Variants in ZNF385D observed in about 807,000 individuals in gnomAD.
ZNF385D encodes zinc finger protein 385D.
Under a neutral mutation model 35.8 loss-of-function variants are expected in ZNF385D, and 15 were observed. That is an observed-to-expected ratio of 0.42 (90% CI 0.28 to 0.64). The LOEUF (loss-of-function observed/expected upper bound fraction) is 0.64. Among genes scored for constraint, ZNF385D ranks in the 30% least tolerant of loss-of-function variants. The pLI is 0.23. For missense variants in ZNF385D, 474 were observed against 494.6 expected (o/e 0.96, Z 0.39); for synonymous variants, 212 against 186.8 (o/e 1.13, Z -1.10).
rs190216625 is a variant in ZNF385D at position 21,750,819 on chromosome 3, G to T, written c.22+76C>A. 7.5e-5 allele frequency: 119 copies of T among 1,592,880 alleles called. No homozygotes were observed. In the East Asian group the frequency reaches 1.5e-3, roughly 20 times the overall value. On this transcript the variant is annotated intron_variant, in intron 1 of 7. Transcript: ENST00000281523. ...ATGTAACATATTCTTGCTGCTTAAA[G>T]AATTTTTTAAGGGCTTGTCTGCACG...
At chr3:21,994,809 C>T (rs1283756130) in intron 3 of ZNF385D, among the ~76,000 whole-genome samples, 4 of 152,168 alleles carry the variant, frequency 2.6e-5, no homozygotes, top group African/African-American at 9.7e-5. Context: ...CTGTAATATG[C>T]ATCAATAGTG....
At chr3:21,966,470 C>T (rs1702918141) in intron 3 of ZNF385D, among the ~76,000 whole-genome samples, 1 of 152,232 alleles carries the variant, frequency 6.6e-6, no homozygotes, top group South Asian at 2.1e-4. Flanking sequence ...GGATTCATCA[C>T]ATCCAGCAGA....
At chr3:21,900,389 C>T (rs1699339120) in intron 3 of ZNF385D, among the ~76,000 whole-genome samples, 1 of 152,078 alleles carries the variant, frequency 6.6e-6, no homozygotes, top group South Asian at 2.1e-4. Context: ...CCAGCTTCAA[C>T]ACATGAGAAA....
chr3:21,624,868 A>G (rs2065093733), intron 2 of ZNF385D, among the ~76,000 whole-genome samples: 3 of 152,190 alleles, frequency 2.0e-5, no homozygotes, highest in South Asian at 4.1e-4. Context: ...ATTAAAGAAC[A>G]GAGGTAAAAG....
intron 1 of ZNF385D, among the ~76,000 whole-genome samples, chr3:21,691,288 T>C (rs1345854419): frequency 6.6e-6 from 1 of 152,184 alleles, no homozygotes; most frequent in Non-Finnish European, 1.5e-5. Context: ...ATTTATCATA[T>C]CCAACCTTAG....
chr3:21,965,613 G>A (rs1176555162), intron 3 of ZNF385D, among the ~76,000 whole-genome samples: 1 of 152,118 alleles, frequency 6.6e-6, no homozygotes, highest in African/African-American at 2.4e-5. Flanking sequence ...TATGAGTCTA[G>A]ATTGGATTCT....
chr3:22,251,008 A>C (rs1700033113), intron 2 of ZNF385D, among the ~76,000 whole-genome samples: 1 of 152,018 alleles, frequency 6.6e-6, no homozygotes, highest in Non-Finnish European at 1.5e-5. Flanking sequence ...AATCAGGACA[A>C]CACCAATCAA....
At chr3:22,003,907 C>T (rs1373194266) in intron 3 of ZNF385D, among the ~76,000 whole-genome samples, 1 of 151,162 alleles carries the variant, frequency 6.6e-6, no homozygotes, top group East Asian at 2.0e-4. Context: ...TCCTAAAATT[C>T]AAATAGAACC....
At position 21,600,589 on chromosome 3, in the gene ZNF385D, C is replaced by T. The variant is rs1250131733; in HGVS notation, c.166-35905G>A. The stretch of plus-strand genomic sequence containing the variant: ...ATGCAGAACATCAAGTTGGCCTATT[C>T]ATGATTTAGTCTTGAATGCAAATTT... On this transcript the variant is annotated intron_variant, in intron 2 of 7. Coordinates refer to ENST00000281523, the MANE Select transcript of ZNF385D (RefSeq NM_024697.3). Among the ~76,000 whole-genome samples, 3 of 152,068 alleles carry T rather than the reference C, an allele frequency of 2.0e-5. No homozygotes were observed. In the South Asian group the frequency reaches 6.2e-4, roughly 32 times the overall value.
chr3:22,089,326 G>T (rs534916382), intron 3 of ZNF385D, among the ~76,000 whole-genome samples: 86 of 152,236 alleles, frequency 5.6e-4, no homozygotes, highest in Non-Finnish European at 1.0e-3. Flanking sequence ...TAAATTAATT[G>T]ACTCTCTAGT....
At chr3:22,215,070 A>T (rs1299894422) in intron 2 of ZNF385D, among the ~76,000 whole-genome samples, 1 of 151,960 alleles carries the variant, frequency 6.6e-6, no homozygotes, top group Non-Finnish European at 1.5e-5. Context: ...TATTTCTCAG[A>T]CCGGCTGACA....
intron 3 of ZNF385D, among the ~76,000 whole-genome samples, chr3:22,094,536 G>C (rs928061527): frequency 2.9e-4 from 44 of 151,664 alleles, no homozygotes; most frequent in African/African-American, 1.0e-3. Flanking sequence ...GTAAGACATA[G>C]GCCAGACACA....
chr3:21,830,191 A>T (rs1328110226), intron 3 of ZNF385D, among the ~76,000 whole-genome samples: 1 of 152,212 alleles, frequency 6.6e-6, no homozygotes, highest in Admixed American at 6.5e-5. Context: ...TAATTACTCT[A>T]GTAAAAATTC....
chr3:22,036,684 C>T lies in ZNF385D; in HGVS notation c.325+132133G>A, dbSNP rs796374257. 5.7e-4 allele frequency among the ~76,000 whole-genome samples: 84 copies of T among 147,876 alleles called. 1 individual carries two copies. The highest frequency in any genetic ancestry group is 1.8e-3 in the African/African-American group (73 of 40,116). On this transcript the variant is annotated intron_variant, in intron 3 of 5. Coordinates refer to the ZNF385D transcript ENST00000494108. ...AAAACCCTTCTTTTAGAATACAATACGAGAAAGAAGAGTAGCCCTACTAGG... is the reference window on the plus strand; with the variant it reads ...AAAACCCTTCTTTTAGAATACAATATGAGAAAGAAGAGTAGCCCTACTAGG...
intron 3 of ZNF385D, among the ~76,000 whole-genome samples, chr3:21,831,277 G>A (rs1056276933): frequency 1.3e-5 from 2 of 152,064 alleles, no homozygotes; most frequent in African/African-American, 4.8e-5. Flanking sequence ...CTCATTTGAA[G>A]GGAAGAGGAG....
Position 21,425,667 on chromosome 3 carries a change from G to T in ZNF385D, c.677C>A (p.Thr226Asn), listed in dbSNP as rs1309235125. 1 of 1,545,030 alleles carries T rather than the reference G, an allele frequency of 6.5e-7. No individual in the cohort carries two copies. The highest frequency in any genetic ancestry group is 1.4e-5 in the African/African-American group (1 of 72,310). ...ASQLEAHNSG[T>N]KHKTMLEARN... The stretch of plus-strand genomic sequence containing the variant: ...GGCTTCTAACATGGTTTTGTGCTTA[G>T]TACCTGTCAGGAATATTGAAATGAA... Residue 226 changes from threonine (T) to asparagine (N), a missense_variant, in exon 6 of 8, where the codon ACT (threonine) becomes AAT (asparagine). Transcript: ENST00000281523.
At chr3:21,720,890 G>C (rs6550620) in intron 1 of ZNF385D, among the ~76,000 whole-genome samples, 102,325 of 151,964 alleles carry the variant, frequency 0.67, 34,549 homozygotes, top group East Asian at 0.74. Context: ...GACAAAAAGT[G>C]CGTGATTGCA....
At chr3:21,488,307 G>C (rs1211262388) in intron 4 of ZNF385D, among the ~76,000 whole-genome samples, 1 of 148,784 alleles carries the variant, frequency 6.7e-6, no homozygotes, top group Admixed American at 6.9e-5. Flanking sequence ...GCATGCCAGG[G>C]TTTTAAATTG....
At chr3:22,027,379 G>A (rs1697626052) in intron 3 of ZNF385D, among the ~76,000 whole-genome samples, 1 of 152,182 alleles carries the variant, frequency 6.6e-6, no homozygotes, top group Non-Finnish European at 1.5e-5. Context: ...TGCCACTTGG[G>A]CCATATGATC....
Sources: allele counts gnomAD v4.1 joint callset (sites outside exome capture counted in the v4.1 genomes callset), GRCh38; gene constraint gnomAD v4.1.1; transcripts MANE v1.5; gene names NCBI Gene and HGNC (gene_info 2026-07-23, HGNC 2026-07-21).